The following B9D1 variants were observed in gnomAD, a reference collection of about 807,000 sequenced individuals.
B9D1 encodes the protein B9 domain containing 1, also known as B9 domain-containing protein 1.
Under a neutral mutation model 26.1 loss-of-function variants are expected in B9D1, and 20 were observed. That is an observed-to-expected ratio of 0.77 (90% CI 0.54 to 1.12). The LOEUF (loss-of-function observed/expected upper bound fraction) is 1.12, where lower values mean the gene tolerates loss of function less well. B9D1 is among the 50% of genes most tolerant of loss of function. B9D1 has a pLI of 0.00. For missense variants in B9D1, 260 were observed against 273.7 expected, an observed-to-expected ratio of 0.95 and a Z score of 0.35; for synonymous variants, 105 against 103.1, an observed-to-expected ratio of 1.02 and a Z score of -0.11.
intron 3 of B9D1, among the ~76,000 whole-genome samples, chr17:19,350,070 C>A (rs184321322): frequency 1.3e-5 from 2 of 151,932 alleles, no homozygotes; most frequent in Admixed American, 1.3e-4. Flanking sequence ...TGAGATCACG[C>A]CACTGCACTC....
At chr17:19,361,424 G>A (rs1255648885) in intron 1 of B9D1, among the ~76,000 whole-genome samples, 1 of 152,130 alleles carries the variant, frequency 6.6e-6, no homozygotes, top group African/African-American at 2.4e-5. Context: ...ATGCAAGGCT[G>A]GAGCTGAGGC....
At chr17:19,365,658 T>C (rs1390622160), upstream of B9D1, among the ~76,000 whole-genome samples, 1 of 152,098 alleles carries the variant, frequency 6.6e-6, no homozygotes, top group African/African-American at 2.4e-5. The surrounding 1 kb of genome is among the most constrained non-coding windows in gnomAD (Gnocchi z 5.0). Context: ...AGCCCTGCGA[T>C]CTCTGCAGCC....
chr17:19,349,666 G>A (rs751129724), intron 3 of B9D1, among the ~76,000 whole-genome samples: 1 of 152,198 alleles, frequency 6.6e-6, no homozygotes, highest in Non-Finnish European at 1.5e-5. Context: ...ACAGGTGTGA[G>A]TCACCTTGCC....
upstream of B9D1, chr17:19,363,868 G>A (rs1021228390): frequency 5.3e-5 from 8 of 152,276 alleles, no homozygotes; most frequent in South Asian, 2.1e-4. Flanking sequence ...AGGGGAGGGA[G>A]GCAGCGGGTA....
intron 5 of B9D1, among the ~76,000 whole-genome samples, chr17:19,346,453 G>T (rs1215032065): frequency 6.6e-6 from 1 of 152,226 alleles, no homozygotes; most frequent in Admixed American, 6.5e-5. Context: ...TGCTGCCCTG[G>T]AACCCAGGGA....
intron 1 of B9D1, among the ~76,000 whole-genome samples, chr17:19,361,305 G>A (rs978457196): frequency 4.6e-5 from 7 of 152,042 alleles, no homozygotes; most frequent in Non-Finnish European, 8.8e-5. Context: ...ACCATCCCTC[G>A]CCACCTGGTT....
Position 19,343,230 on chromosome 17 carries a change from C to T in B9D1, c.*89G>A. 2 of 1,601,144 alleles carry T rather than the reference C, an allele frequency of 1.2e-6. No homozygotes were observed. The highest frequency in any genetic ancestry group is 1.7e-6 in the Non-Finnish European group (2 of 1,175,336). ...CTATTCTGTGTGCCCCCAGCTCTGGCCACCAGGCTGCCCCTCAGGCCGATG... is the reference window on the plus strand; with the variant it reads ...CTATTCTGTGTGCCCCCAGCTCTGGTCACCAGGCTGCCCCTCAGGCCGATG... On this transcript the variant is annotated 3_prime_UTR_variant, in exon 7 of 7. Transcript: ENST00000261499.
At chr17:19,357,539 C>A in intron 3 of B9D1, 1 of 442,902 alleles carries the variant, frequency 2.3e-6, no homozygotes, top group Non-Finnish European at 4.2e-6. Flanking sequence ...GGCCAAACAG[C>A]CACAGTCCTG....
downstream of B9D1, among the ~76,000 whole-genome samples, chr17:19,342,065 C>CA (rs1279736822): frequency 6.6e-6 from 1 of 152,076 alleles, no homozygotes; most frequent in South Asian, 2.1e-4. Context: ...GAGGTGAAGA[C>CA]AGACTGTTCC....
intron 5 of B9D1, among the ~76,000 whole-genome samples, chr17:19,345,893 T>C (rs1428922481): frequency 1.3e-5 from 2 of 152,216 alleles, no homozygotes; most frequent in East Asian, 3.8e-4. Context: ...TCTGGGAAGA[T>C]TCTGCCAATC....
In B9D1 at chr17:19,343,417, C is replaced by T. The variant is rs776537748; in HGVS notation, c.517G>A (p.Val173Met). 7.4e-6 allele frequency: 12 copies of T among 1,614,008 alleles called. No individual in the cohort carries two copies. In the South Asian group the frequency reaches 7.7e-5, roughly 10 times the overall value. Residue 173 changes from valine (V) to methionine (M), a missense_variant, in exon 7 of 7, where the codon GTG becomes ATG. Coordinates refer to ENST00000261499, the MANE Select transcript of B9D1 (RefSeq NM_015681.6). ...SQGFVTLLFN[V>M]VTKDMRKLGY... ...AGTTTCCTCATGTCCTTGGTCACCA[C>T]GTTGAAGAGGAGGGTGACAAAGCCC...
Position 19,347,937 on chromosome 17 carries a change from G to C in B9D1, c.245-57C>G. ...TGAGGACACACAGGGGAGGTGCAGG[G>C]CAGAGAACAGGGCGTGTCCAGCTGA... On this transcript the variant is annotated intron_variant, in intron 3 of 6. Coordinates refer to ENST00000261499, the MANE Select transcript of B9D1 (RefSeq NM_015681.6). The surrounding 1 kb of genome is among the most constrained non-coding windows in gnomAD (Gnocchi z 4.3). 6.8e-7 allele frequency: 1 copy of C among 1,465,362 alleles called. No individual in the cohort carries two copies. The highest frequency in any genetic ancestry group is 1.1e-5 in the South Asian group (1 of 87,408). The allele number at this position is 1,465,362 out of a possible 1,614,324, so 90.8% of individuals were successfully genotyped here. A position where few individuals can be genotyped will look rare whatever the true frequency, so the allele number is the denominator to read the frequency against.
chr17:19,340,039 C>G (rs1008354216), downstream of B9D1, among the ~76,000 whole-genome samples: 5 of 143,336 alleles, frequency 3.5e-5, no homozygotes, highest in East Asian at 9.6e-4. Flanking sequence ...CCCAACCCCC[C>G]CCCCCCCCCG....
Position 19,347,687 on chromosome 17 carries a change from C to T in B9D1, c.341+97G>A. The T allele has an allele frequency of 7.9e-7, 1 of 1,262,842 alleles. No individual in the cohort carries two copies. The highest frequency in any genetic ancestry group is 1.1e-6 in the Non-Finnish European group (1 of 885,008). The allele number at this position is 1,262,842 out of a possible 1,614,324, so 78.2% of individuals were successfully genotyped here. A position where few individuals can be genotyped will look rare whatever the true frequency, so the allele number is the denominator to read the frequency against. On this transcript the variant is annotated intron_variant, in intron 4 of 6. Transcript: ENST00000261499. The surrounding 1 kb of genome is among the most constrained non-coding windows in gnomAD (Gnocchi z 4.3). ...CTGAGCTGCCCAGGCCCCTGGAGAC[C>T]CCAGAGCATTCCCAGCCTGAACCTA...
At chr17:19,339,909 G>A (rs1476105309), downstream of B9D1, among the ~76,000 whole-genome samples, 1 of 152,116 alleles carries the variant, frequency 6.6e-6, no homozygotes, top group Non-Finnish European at 1.5e-5. Flanking sequence ...GGTGTGCCAG[G>A]AGAAAAGGGA....
intron 1 of B9D1, among the ~76,000 whole-genome samples, chr17:19,373,251 C>G (rs1247894919): frequency 6.6e-6 from 1 of 152,210 alleles, no homozygotes; most frequent in Non-Finnish European, 1.5e-5. Flanking sequence ...TACCATATCA[C>G]AGATGACTAA....
chr17:19,372,698 A>C lies in B9D1; in HGVS notation c.-298+5161T>G, dbSNP rs777615069. Among the ~76,000 whole-genome samples, 1 of 152,148 alleles carries C rather than the reference A, an allele frequency of 6.6e-6. No homozygotes were observed. Among genetic ancestry groups the C allele is most frequent in the South Asian group, 2.1e-4 (1 of 4,820 alleles). The stretch of plus-strand genomic sequence containing the variant: ...TCTGACCCCAGCACACAGCACAGAC[A>C]AGAAAGGATGCCCCGGCCTCCATGT... On this transcript the variant is annotated intron_variant, in intron 1 of 5. Coordinates refer to the B9D1 transcript ENST00000477478. The surrounding 1 kb of genome is among the most constrained non-coding windows in gnomAD (Gnocchi z 4.4).
chr17:19,346,495 C>A (rs1341003481), intron 5 of B9D1, among the ~76,000 whole-genome samples: 1 of 152,252 alleles, frequency 6.6e-6, no homozygotes, highest in Non-Finnish European at 1.5e-5. Context: ...CCTCACTAAT[C>A]TGCCGGTGGG....
chr17:19,351,023 GAGA>G (rs1285563652), intron 3 of B9D1, among the ~76,000 whole-genome samples: 2 of 152,112 alleles, frequency 1.3e-5, no homozygotes, highest in African/African-American at 2.4e-5. Flanking sequence ...ATTTTTAGTA[GAGA>G]AGGAGTTTCA....
Sources: allele counts gnomAD v4.1 joint callset (sites outside exome capture counted in the v4.1 genomes callset), GRCh38; gene constraint gnomAD v4.1.1; non-coding constraint Gnocchi (gnomAD v3.1); transcripts MANE v1.5; gene names NCBI Gene and HGNC (gene_info 2026-07-23, HGNC 2026-07-21).